Variants in CORIN observed in about 807,000 individuals in gnomAD.
CORIN encodes the protein atrial natriuretic peptide-converting enzyme.
In CORIN, 117 loss-of-function variants were observed where a neutral mutation model predicts 125.3. The observed-to-expected ratio is 0.93, with a 90% CI of 0.80 to 1.09. The LOEUF (loss-of-function observed/expected upper bound fraction) is 1.09, where lower values mean the gene tolerates loss of function less well. CORIN is among the 50% of genes least tolerant of loss of function. The pLI is 0.00. For synonymous variants in CORIN, 450 were observed against 466.4 expected (o/e 0.96, Z 0.45); for missense variants, 1,253 against 1,306.7 (o/e 0.96, Z 0.63).
At chr4:47,815,584 A>C (rs546853598) in intron 1 of CORIN, among the ~76,000 whole-genome samples, 4 of 152,236 alleles carry the variant, frequency 2.6e-5, no homozygotes, top group African/African-American at 9.6e-5. Flanking sequence ...TTTGCCCTCA[A>C]TCTCAAACTT....
intron 7 of CORIN, chr4:47,681,898 A>G (rs1417102797): frequency 6.6e-6 from 1 of 152,234 alleles, no homozygotes; most frequent in East Asian, 1.9e-4. Context: ...AATTTATGCC[A>G]TCAAAAAATG....
chr4:47,607,818 G>T (rs1721711816), intron 19 of CORIN, among the ~76,000 whole-genome samples: 1 of 152,042 alleles, frequency 6.6e-6, no homozygotes, highest in South Asian at 2.1e-4. Flanking sequence ...GTGGTGGCGT[G>T]CACCTATAGT....
At chr4:47,691,414 T>A (rs1178733431) in intron 6 of CORIN, among the ~76,000 whole-genome samples, 4 of 152,194 alleles carry the variant, frequency 2.6e-5, no homozygotes, top group African/African-American at 4.8e-5. Flanking sequence ...TACAAAAATG[T>A]TTTTATGTAA....
chr4:47,651,905 T>C (rs543480706), intron 13 of CORIN, among the ~76,000 whole-genome samples: 2 of 152,312 alleles, frequency 1.3e-5, no homozygotes, highest in East Asian at 3.9e-4. Flanking sequence ...TAAAGTTGTT[T>C]TGTTTTGTTT....
rs1204193934 is a variant in CORIN, at chr4:47,837,888, G to T, written c.62C>A (p.Pro21Gln). The T allele has an allele frequency of 1.9e-6, 3 of 1,613,540 alleles. No homozygotes were observed. The highest frequency in any genetic ancestry group is 2.5e-6 in the Non-Finnish European group (3 of 1,179,774). ...AGGACAGCGAATCATCGATCTTACC[G>T]GCTTTGGGGACCCGGCTCTGCGGCA... The part of the protein sequence containing the change: ...ERCRRAGSPK[P>Q]VLRADDNNMG... The change falls in exon 1 of 22, where the codon CCG becomes CAG. Residue 21 changes from proline to glutamine, a missense_variant and splice_region_variant. Physicochemically the swap from Pro to Gln is moderately conservative, Grantham distance 76. Transcript: ENST00000273857.
In CORIN at chr4:47,721,057, C is replaced by T. The variant is rs568092617; in HGVS notation, c.799+23345G>A. On this transcript the variant is annotated intron_variant, in intron 5 of 21. Transcript: ENST00000273857. ...GCTTAAACAAGAAACATTTATTTTT[C>T]ATAGTTCTGGAAGGTGGAAGTCCAG... 6.6e-5 allele frequency among the ~76,000 whole-genome samples: 10 copies of T among 152,276 alleles called. No individual in the cohort carries two copies. The South Asian group carries it at 1.9e-3, about 28-fold the overall frequency.
chr4:47,626,311 G>C (rs981915964), intron 17 of CORIN, 94 bp downstream of exon 17: 1 of 768,754 alleles, frequency 1.3e-6, no homozygotes, highest in Non-Finnish European at 2.3e-6. Flanking sequence ...TGACAAATTT[G>C]GATTATCTTA....
intron 5 of CORIN, among the ~76,000 whole-genome samples, chr4:47,733,318 T>A (rs1037739221): frequency 3.3e-5 from 5 of 152,190 alleles, no homozygotes; most frequent in African/African-American, 1.2e-4. Flanking sequence ...AAGTACCTCA[T>A]CTATCTCTAG....
intron 5 of CORIN, among the ~76,000 whole-genome samples, chr4:47,707,153 T>C (rs1210182753): frequency 6.6e-6 from 1 of 152,162 alleles, no homozygotes; most frequent in African/African-American, 2.4e-5. Context: ...TAAGTGGTGG[T>C]GTATCTTGTT....
At chr4:47,623,466 C>T in intron 19 of CORIN, 105 bp downstream of exon 19, 2 of 1,227,158 alleles carry the variant, frequency 1.6e-6, no homozygotes, top group Non-Finnish European at 2.3e-6. Flanking sequence ...TTAGCTGTGG[C>T]TTTCGCCTGG....
chr4:47,659,919 T>TCA (rs1387828153), intron 12 of CORIN, among the ~76,000 whole-genome samples: 3 of 152,104 alleles, frequency 2.0e-5, no homozygotes, highest in African/African-American at 7.2e-5. Flanking sequence ...ACTAGAGGAA[T>TCA]CACATTACCT....
At chr4:47,620,637 A>T (rs544137575) in intron 19 of CORIN, among the ~76,000 whole-genome samples, 5 of 152,220 alleles carry the variant, frequency 3.3e-5, no homozygotes, top group African/African-American at 4.8e-5. Context: ...AAATGCAAAA[A>T]TACTCATGCC....
At chr4:47,687,796 C>A (rs1308900396) in intron 6 of CORIN, among the ~76,000 whole-genome samples, 1 of 152,124 alleles carries the variant, frequency 6.6e-6, no homozygotes, top group African/African-American at 2.4e-5. Context: ...AGGAGTTAGA[C>A]GGTCTGTCCA....
intron 5 of CORIN, among the ~76,000 whole-genome samples, chr4:47,706,198 T>G (rs1241661942): frequency 6.6e-6 from 1 of 152,260 alleles, no homozygotes; most frequent in East Asian, 1.9e-4. Flanking sequence ...TACAAATCCC[T>G]GTTAGAATTT....
At chr4:47,639,365 G>A (rs1723149012) in intron 16 of CORIN, among the ~76,000 whole-genome samples, 1 of 152,108 alleles carries the variant, frequency 6.6e-6, no homozygotes, top group Non-Finnish European at 1.5e-5. Flanking sequence ...GTTCTTGGCT[G>A]TTTACCTACA....
At chr4:47,722,894 TAAAG>T (rs1450187091) in intron 5 of CORIN, among the ~76,000 whole-genome samples, 8 of 152,294 alleles carry the variant, frequency 5.3e-5, no homozygotes, top group East Asian at 3.9e-4. Context: ...AATAAAAACT[TAAAG>T]AAAGAGTAAT....
chr4:47,640,840 T>C (rs1453318465), intron 16 of CORIN, among the ~76,000 whole-genome samples: 2 of 152,076 alleles, frequency 1.3e-5, no homozygotes, highest in South Asian at 2.1e-4. Context: ...AGAAGAAAAA[T>C]AAAAATAACC....
chr4:47,787,224 G>C (rs938524775), intron 2 of CORIN, among the ~76,000 whole-genome samples: 1 of 152,144 alleles, frequency 6.6e-6, no homozygotes, highest in African/African-American at 2.4e-5. Context: ...CTTCAAAAAT[G>C]TAGGGTAATT....
intron 1 of CORIN, among the ~76,000 whole-genome samples, chr4:47,829,441 A>G (rs189303496): frequency 6.6e-6 from 1 of 152,284 alleles, no homozygotes; most frequent in Non-Finnish European, 1.5e-5. Context: ...CGTATCCTTT[A>G]TCATAAACCA....
Sources: allele counts gnomAD v4.1 joint callset (sites outside exome capture counted in the v4.1 genomes callset), GRCh38; gene constraint gnomAD v4.1.1; transcripts MANE v1.5; gene names NCBI Gene and HGNC (gene_info 2026-07-23, HGNC 2026-07-21).